Variants in DENND1A observed in about 807,000 individuals in gnomAD.
DENND1A encodes DENN domain-containing protein 1A.
A neutral mutation model predicts 113.7 loss-of-function variants in DENND1A; 51 were observed. The observed-to-expected ratio is 0.45, with a 90% CI of 0.36 to 0.57. DENND1A has a LOEUF of 0.57. Among genes scored for constraint, DENND1A ranks in the 20% least tolerant of loss-of-function variants. DENND1A has a pLI of 0.00. For synonymous variants in DENND1A, 565 were observed against 570.8 expected (o/e 0.99, Z 0.14); for missense variants, 1,258 against 1,395.9 (o/e 0.90, Z 1.57).
intron 13 of DENND1A, among the ~76,000 whole-genome samples, chr9:123,552,106 A>C (rs2057121730): frequency 6.7e-6 from 1 of 149,736 alleles, no homozygotes; most frequent in African/African-American, 2.5e-5. Context: ...GCTCTGAGCC[A>C]GGGAAAAGTT....
At chr9:123,813,515 TA>T (rs149532202) in intron 2 of DENND1A, among the ~76,000 whole-genome samples, 10,970 of 147,322 alleles carry the variant, frequency 0.074, 783 homozygotes, top group African/African-American at 0.19. Context: ...CCTTCTCATC[TA>T]AAAAAAAAAA....
At chr9:123,597,268 G>C (rs547467151) in intron 11 of DENND1A, among the ~76,000 whole-genome samples, 1 of 152,274 alleles carries the variant, frequency 6.6e-6, no homozygotes, top group Admixed American at 6.5e-5. Context: ...CATAAACATG[G>C]CTTAGTGAGA....
rs1213930283 is a variant in DENND1A, at chr9:123,743,630, G to A, written c.302+14073C>T. ...GCCTGTAAGCTCAGCTACTTGGGAG[G>A]CTGAGGCAGGAGAATCACTTGAACC... On this transcript the variant is annotated intron_variant, in intron 5 of 23. Coordinates refer to ENST00000394215, the MANE Select transcript of DENND1A (RefSeq NM_001352964.2). Among the ~76,000 whole-genome samples, 6 of 151,626 alleles carry A rather than the reference G, an allele frequency of 4.0e-5. No individual in the cohort carries two copies. The East Asian group carries it at 1.2e-3, about 29-fold the overall frequency.
chr9:123,755,431 C>T (rs1292222049), intron 5 of DENND1A, among the ~76,000 whole-genome samples: 2 of 151,748 alleles, frequency 1.3e-5, no homozygotes, highest in Non-Finnish European at 1.5e-5. Flanking sequence ...GGAGTGAGCC[C>T]ACATGCCTGG....
chr9:123,599,401 C>A (rs565551074), intron 11 of DENND1A, among the ~76,000 whole-genome samples: 1 of 152,298 alleles, frequency 6.6e-6, no homozygotes, highest in African/African-American at 2.4e-5. Context: ...TACTACATCA[C>A]AGTTTGACCT....
chr9:123,611,450 G>T (rs1456999600), intron 10 of DENND1A, among the ~76,000 whole-genome samples: 1 of 152,144 alleles, frequency 6.6e-6, no homozygotes, highest in Non-Finnish European at 1.5e-5. Context: ...AACCCTGGCA[G>T]GAAGTCTTAA....
intron 5 of DENND1A, among the ~76,000 whole-genome samples, chr9:123,698,502 T>C (rs2065667065): frequency 6.6e-6 from 1 of 152,198 alleles, no homozygotes; most frequent in Non-Finnish European, 1.5e-5. Context: ...AAGCTCTAAC[T>C]TAATGCTCTT....
chr9:123,669,517 C>T (rs1169660950), intron 7 of DENND1A, among the ~76,000 whole-genome samples: 1 of 152,188 alleles, frequency 6.6e-6, no homozygotes. Flanking sequence ...TCCTGCTGCC[C>T]CTGAGATGGC....
At chr9:123,523,064 A>G (rs1158851628) in intron 13 of DENND1A, among the ~76,000 whole-genome samples, 2 of 152,244 alleles carry the variant, frequency 1.3e-5, no homozygotes, top group African/African-American at 4.8e-5. Flanking sequence ...CTAATTGCTA[A>G]CATATGGGAG....
intron 13 of DENND1A, among the ~76,000 whole-genome samples, chr9:123,533,219 T>C (rs2135403539): frequency 6.6e-6 from 1 of 152,384 alleles, no homozygotes; most frequent in African/African-American, 2.4e-5. Flanking sequence ...CCTAGCTCTG[T>C]GCCAAGCACA....
chr9:123,745,867 C>T (rs2069456030), intron 5 of DENND1A, among the ~76,000 whole-genome samples: 1 of 152,110 alleles, frequency 6.6e-6, no homozygotes, highest in Non-Finnish European at 1.5e-5. Flanking sequence ...CACTAGATAG[C>T]AAAGAAGACA....
At chr9:123,877,509 A>G (rs7849121) in intron 2 of DENND1A, among the ~76,000 whole-genome samples, 5,812 of 151,142 alleles carry the variant, frequency 0.038, 116 homozygotes, top group Middle Eastern at 0.048. Context: ...ATAATAAAAT[A>G]AAATACTTGC....
chr9:123,413,462 C>G, intron 19 of DENND1A: 1 of 985,440 alleles, frequency 1.0e-6, no homozygotes, highest in Non-Finnish European at 1.2e-6. Flanking sequence ...CTTCAGATCT[C>G]AAATCTGCCT....
intron 19 of DENND1A, among the ~76,000 whole-genome samples, chr9:123,437,090 G>A (rs1386596574): frequency 6.6e-6 from 1 of 152,166 alleles, no homozygotes; most frequent in Non-Finnish European, 1.5e-5. Flanking sequence ...GGGGCCCTGG[G>A]AGTGCTTGGA....
intron 2 of DENND1A, among the ~76,000 whole-genome samples, chr9:123,794,742 A>C (rs1564284600): frequency 6.6e-6 from 1 of 152,194 alleles, no homozygotes. Context: ...AACTATATTA[A>C]TAAGAAACCA....
intron 4 of DENND1A, among the ~76,000 whole-genome samples, chr9:123,765,711 A>G (rs557011465): frequency 6.6e-6 from 1 of 152,346 alleles, no homozygotes; most frequent in Admixed American, 6.5e-5. Context: ...AAGGGCAAGC[A>G]AGTAGCAAAC....
At chr9:123,484,905 T>TGACA (rs1342553005) in intron 13 of DENND1A, among the ~76,000 whole-genome samples, 1 of 152,180 alleles carries the variant, frequency 6.6e-6, no homozygotes, top group Non-Finnish European at 1.5e-5. Flanking sequence ...CTGGGGCAAG[T>TGACA]GACATCCTCC....
At chr9:123,567,485 C>A (rs1401504332) in intron 12 of DENND1A, among the ~76,000 whole-genome samples, 1 of 152,006 alleles carries the variant, frequency 6.6e-6, no homozygotes, top group Admixed American at 6.6e-5. Flanking sequence ...GACTGCAAAC[C>A]AAAAATAAAA....
intron 2 of DENND1A, among the ~76,000 whole-genome samples, chr9:123,861,769 G>C (rs1001527228): frequency 4.6e-5 from 7 of 152,128 alleles, no homozygotes; most frequent in African/African-American, 1.7e-4. Flanking sequence ...AATCAACAAA[G>C]AGGGGTTTTC....
Sources: allele counts gnomAD v4.1 joint callset (sites outside exome capture counted in the v4.1 genomes callset), GRCh38; gene constraint gnomAD v4.1.1; transcripts MANE v1.5; gene names NCBI Gene and HGNC (gene_info 2026-07-23, HGNC 2026-07-21).